The following PGBD2 variants were observed in gnomAD, a reference collection of about 807,000 sequenced individuals.
The protein encoded by PGBD2 is piggyBac transposable element-derived protein 2.
In PGBD2, 6 loss-of-function variants were observed where a neutral mutation model predicts 8.1. The observed-to-expected ratio is 0.74, with a 90% CI of 0.40 to 1.46. PGBD2 has a LOEUF of 1.46. Among genes scored for constraint, PGBD2 ranks in the 40% most tolerant of loss-of-function variants. The pLI is 0.02. For synonymous variants in PGBD2, 318 were observed against 272.2 expected (o/e 1.17, Z -1.66); for missense variants, 802 against 739.0 (o/e 1.09, Z -0.99).
the PGBD2 span, among the ~76,000 whole-genome samples, chr1:248,874,919 TA>T: frequency 8.8e-5 from 13 of 147,296 alleles, no homozygotes; most frequent in Admixed American, 2.0e-4. Flanking sequence ...GATAGATAGA[TA>T]GATAGATAGA....
intron 1 of PGBD2, among the ~76,000 whole-genome samples, chr1:248,909,195 A>C (rs1049565409): frequency 6.6e-6 from 1 of 152,146 alleles, no homozygotes; most frequent in Non-Finnish European, 1.5e-5. Flanking sequence ...CAGGCAGGGC[A>C]AGAAAGATGG....
chr1:248,898,935 GA>G, the PGBD2 span, among the ~76,000 whole-genome samples: 8 of 151,980 alleles, frequency 5.3e-5, no homozygotes, highest in African/African-American at 1.9e-4. Context: ...ATGGAAAACA[GA>G]AAAAAGCAGG....
intron 1 of PGBD2, among the ~76,000 whole-genome samples, chr1:248,911,790 C>CAGA (rs1483930091): frequency 2.4e-4 from 35 of 147,310 alleles, no homozygotes; most frequent in Admixed American, 4.1e-4. Flanking sequence ...GCTGGCCGGG[C>CAGA]GCTCCCCCAG....
chr1:248,925,674 C>T, the PGBD2 span, among the ~76,000 whole-genome samples: 1,216 of 151,646 alleles, frequency 8.0e-3, 11 homozygotes, highest in African/African-American at 0.027. Context: ...GCTGCTAATC[C>T]CCACATCTGA....
At chr1:248,913,754 A>G (rs1661992603) in intron 1 of PGBD2, 62 bp from the exon 2 acceptor site, 1 of 849,654 alleles carries the variant, frequency 1.2e-6, no homozygotes, top group African/African-American at 1.7e-5. Context: ...GGTAGAAAAG[A>G]TCCTGTTGCC....
chr1:248,914,551 C>T (rs1193410389), intron 2 of PGBD2: 1 of 1,289,276 alleles, frequency 7.8e-7, no homozygotes, highest in Non-Finnish European at 1.0e-6. Context: ...CTCCAAAGTC[C>T]ATGGGCAGGT....
chr1:248,899,772 C>A, the PGBD2 span, among the ~76,000 whole-genome samples: 5 of 136,232 alleles, frequency 3.7e-5, no homozygotes, highest in African/African-American at 5.6e-5. Context: ...AAAAAATCAG[C>A]AAATTCAGGA....
chr1:248,887,714 G>T, the PGBD2 span, among the ~76,000 whole-genome samples: 2 of 152,142 alleles, frequency 1.3e-5, no homozygotes, highest in Admixed American at 1.3e-4. Context: ...TACTTGTGCA[G>T]GTTTATCATT....
In PGBD2 at chr1:248,917,360, A is replaced by G; in HGVS notation, c.776A>G (p.His259Arg). ...CGGATGAACTGCAATTTCCAGAAGCATGCACCCTTGGAAGAGTTCTACAGC... is the reference window on the plus strand; with the variant it reads ...CGGATGAACTGCAATTTCCAGAAGCGTGCACCCTTGGAAGAGTTCTACAGC... ...IIRMNCNFQK[H>R]APLEEFYSFG... The change falls in exon 3 of 3, where the codon CAT (histidine) becomes CGT (arginine). Residue 259 changes from histidine (H) to arginine (R), a missense_variant. Transcript: ENST00000329291. 6.2e-7 allele frequency: 1 copy of G among 1,614,176 alleles called. No homozygotes were observed. The highest frequency in any genetic ancestry group is 8.5e-7 in the Non-Finnish European group (1 of 1,180,018).
downstream of PGBD2, chr1:248,919,228 C>T (rs909315200): frequency 6.0e-6 from 1 of 167,040 alleles, no homozygotes; most frequent in African/African-American, 2.4e-5. Flanking sequence ...CCACTCTCCC[C>T]CACCCCCTAA....
At chr1:248,874,947 T>C in the PGBD2 span, among the ~76,000 whole-genome samples, 2 of 148,254 alleles carry the variant, frequency 1.3e-5, no homozygotes, top group Admixed American at 6.7e-5. Context: ...GATAGATAGA[T>C]AGATAGATAG....
chr1:248,894,825 G>A, the PGBD2 span, among the ~76,000 whole-genome samples: 6 of 148,110 alleles, frequency 4.1e-5, no homozygotes, highest in East Asian at 2.0e-4. Context: ...ATGAGGTCTC[G>A]CTCTGATTGT....
rs1193194587 is a variant in PGBD2 at position 248,918,845 on chromosome 1, TAGTC to T, written c.*485_*488del. ...TTTGAGGGATAATCTGCCTTGTATT[TAGTC>T]AGAGGGCTAGAGGTGCAGATTTCAT... On this transcript the variant is annotated 3_prime_UTR_variant, in exon 3 of 3. Transcript: ENST00000329291. The T allele has an allele frequency of 6.0e-6, 1 of 167,058 alleles. No individual in the cohort carries two copies. Among genetic ancestry groups the T allele is most frequent in the African/African-American group, 2.4e-5 (1 of 41,462 alleles). 10.3% of individuals were successfully genotyped at this position (167,058 alleles called of 1,614,324 possible). A position where few individuals can be genotyped will look rare whatever the true frequency, so the allele number is the denominator to read the frequency against.
At chr1:248,920,318 G>T (rs186713804), downstream of PGBD2, among the ~76,000 whole-genome samples, 2 of 151,952 alleles carry the variant, frequency 1.3e-5, no homozygotes, top group Admixed American at 6.5e-5. Context: ...CCCCTGACAG[G>T]TCCTGGTATG....
downstream of PGBD2, among the ~76,000 whole-genome samples, chr1:248,922,926 CT>C (rs1662315744): frequency 6.6e-6 from 1 of 152,080 alleles, no homozygotes; most frequent in South Asian, 2.1e-4. Flanking sequence ...TTCTTTCTTT[CT>C]TGTGTCTCTG....
intron 1 of PGBD2, among the ~76,000 whole-genome samples, chr1:248,913,534 AG>A (rs1661985167): frequency 6.6e-6 from 1 of 152,194 alleles, no homozygotes; most frequent in African/African-American, 2.4e-5. Context: ...AGTAGAAGCC[AG>A]GGATGCCGCT....
chr1:248,883,002 A>G, the PGBD2 span, among the ~76,000 whole-genome samples: 1 of 152,208 alleles, frequency 6.6e-6, no homozygotes, highest in Non-Finnish European at 1.5e-5. Flanking sequence ...AATGGTATGT[A>G]TGTATATATT....
intron 1 of PGBD2, among the ~76,000 whole-genome samples, chr1:248,911,681 C>T (rs1661887728): frequency 6.7e-6 from 1 of 148,528 alleles, no homozygotes; most frequent in Non-Finnish European, 1.5e-5. Flanking sequence ...CTCCTCACTT[C>T]CCAGTAGGGG....
rs756542360 is a variant in PGBD2, at chr1:248,916,792, C to T, written c.208C>T (p.Leu70=). 1.8e-5 allele frequency: 29 copies of T among 1,614,080 alleles called. No homozygotes were observed. The highest frequency in any genetic ancestry group is 2.5e-5 in the Non-Finnish European group (29 of 1,180,032). The change falls in exon 3 of 3, where the codon CTA becomes TTA. Residue 70 remains leucine (L), a synonymous_variant. Transcript: ENST00000329291. ...TGAAGACAGCCAGCGAGGTGCTCAC[C>T]TACCTGGCAGTGTGCTGCATGCTTC... ...GDEDSQRGAH[L]PGSVLHASVL...
Sources: gnomAD v4.1 joint callset for allele counts (sites outside exome capture counted in the v4.1 genomes callset) on GRCh38, gnomAD v4.1.1 for gene constraint, MANE v1.5 for transcripts, NCBI Gene and HGNC (gene_info 2026-07-23, HGNC 2026-07-21) for gene names.